The following EPS8 variants were observed in gnomAD, a reference collection of about 807,000 sequenced individuals.
EPS8 encodes epidermal growth factor receptor kinase substrate 8.
Under a neutral mutation model 103.8 loss-of-function variants are expected in EPS8, and 42 were observed. The observed-to-expected ratio is 0.40, with a 90% CI of 0.32 to 0.52. The LOEUF (loss-of-function observed/expected upper bound fraction) is 0.52, where lower values mean the gene tolerates loss of function less well. EPS8 is among the 20% of genes least tolerant of loss of function. The probability of loss-of-function intolerance (pLI) is 0.40; values close to 1 mark genes in which losing one functional copy is unlikely to be tolerated. For missense variants in EPS8, 969 were observed against 1,005.1 expected, an observed-to-expected ratio of 0.96 and a Z score of 0.49; for synonymous variants, 344 against 344.6, an observed-to-expected ratio of 1.00 and a Z score of 0.02.
rs996320320 is a variant in EPS8, at chr12:15,688,429, G to A, written c.-21-5457C>T. On this transcript the variant is annotated intron_variant, in intron 1 of 20. Coordinates refer to ENST00000281172, the MANE Select transcript of EPS8 (RefSeq NM_004447.6). This position sits in a 1 kb window ranked among gnomAD's most constrained non-coding sequence, Gnocchi z 5.1. ...ACCCCCATGGACCTAGATGAGGACA[G>A]GCATTTTTGTTTTCCTGCCCAAATG... Among the ~76,000 whole-genome samples the A allele has an allele frequency of 2.6e-5, 4 of 152,302 alleles. No homozygotes were observed. Among genetic ancestry groups the A allele is most frequent in the Admixed American group, 2.6e-4 (4 of 15,298 alleles).
At chr12:15,756,745 G>A (rs990855335) in intron 1 of EPS8, among the ~76,000 whole-genome samples, 6 of 152,040 alleles carry the variant, frequency 3.9e-5, no homozygotes, top group South Asian at 4.1e-4. Context: ...AAGAAATTTG[G>A]AACATGACAG....
At chr12:15,739,771 T>C (rs1946801657) in intron 1 of EPS8, among the ~76,000 whole-genome samples, 1 of 152,090 alleles carries the variant, frequency 6.6e-6, no homozygotes, top group Admixed American at 6.6e-5. Context: ...TTATCATCTA[T>C]CCATCCATCC....
chr12:15,771,622 AG>A lies in EPS8; in HGVS notation c.-22+17538del, dbSNP rs1424374467. ...AGTTGCATATGGCAGGTAAAGGAGA[AG>A]GGGGGTCATGGATGTGTTCTTCTAA... On this transcript the variant is annotated intron_variant, in intron 1 of 20. Coordinates refer to ENST00000281172, the MANE Select transcript of EPS8 (RefSeq NM_004447.6). This position sits in a 1 kb window ranked among gnomAD's most constrained non-coding sequence, Gnocchi z 4.6. 1.3e-5 allele frequency among the ~76,000 whole-genome samples: 2 copies of A among 152,038 alleles called. No homozygotes were observed. Among genetic ancestry groups the A allele is most frequent in the South Asian group, 4.2e-4 (2 of 4,808 alleles).
At chr12:15,638,764 G>A (rs1022396524) in intron 17 of EPS8, among the ~76,000 whole-genome samples, 5 of 152,162 alleles carry the variant, frequency 3.3e-5, no homozygotes, top group Admixed American at 3.3e-4. Context: ...GTTTAAGAAA[G>A]GAGGAATAGG....
chr12:15,633,290 G>A (rs1018379324), intron 17 of EPS8, among the ~76,000 whole-genome samples: 4 of 152,106 alleles, frequency 2.6e-5, no homozygotes, highest in African/African-American at 7.2e-5. Flanking sequence ...GTAATACTTA[G>A]CACACACCAA....
In EPS8 at chr12:15,688,965, T is replaced by C. The variant is rs990610003; in HGVS notation, c.-21-5993A>G. 2.6e-5 allele frequency among the ~76,000 whole-genome samples: 4 copies of C among 152,162 alleles called. No individual in the cohort carries two copies. The highest frequency in any genetic ancestry group is 5.9e-5 in the Non-Finnish European group (4 of 68,034). ...GCTGTGGGATTGGAACCTCACAGCC[T>C]GCCAGTCTGCATGCTCCCCTAGAGG... On this transcript the variant is annotated intron_variant, in intron 1 of 20. Coordinates refer to ENST00000281172, the MANE Select transcript of EPS8 (RefSeq NM_004447.6). This position sits in a 1 kb window ranked among gnomAD's most constrained non-coding sequence, Gnocchi z 5.1.
intron 3 of EPS8, chr12:15,672,304 T>G (rs371701767): frequency 1.3e-5 from 5 of 389,120 alleles, no homozygotes; most frequent in East Asian, 7.3e-5. Context: ...CATATGAATT[T>G]CATTTATATT....
intron 12 of EPS8, among the ~76,000 whole-genome samples, chr12:15,656,011 C>T (rs996995902): frequency 6.6e-6 from 1 of 152,150 alleles, no homozygotes; most frequent in African/African-American, 2.4e-5. Context: ...AGCAGAGATA[C>T]TAAACATTGG....
rs1591867594 is a variant in EPS8, at chr12:15,696,391, C to T, written c.-21-13419G>A. 6.6e-6 allele frequency among the ~76,000 whole-genome samples: 1 copy of T among 152,076 alleles called. No individual in the cohort carries two copies. Among genetic ancestry groups the T allele is most frequent in the Admixed American group, 6.5e-5 (1 of 15,268 alleles). ...GTGCAGTGGCTCACAACTGTAATCC[C>T]AGCACTTTGGGAGGCCAAGGCAGGC... On this transcript the variant is annotated intron_variant, in intron 1 of 20. Transcript: ENST00000281172. The surrounding 1 kb of genome is among the most constrained non-coding windows in gnomAD (Gnocchi z 4.8).
Position 15,639,532 on chromosome 12 carries a change from C to T in EPS8, c.1821+1171G>A, listed in dbSNP as rs375439760. Among the ~76,000 whole-genome samples, 406 of 152,046 alleles carry T rather than the reference C, an allele frequency of 2.7e-3. 1 individual carries two copies. Among genetic ancestry groups the T allele is most frequent in the African/African-American group, 9.5e-3 (396 of 41,494 alleles). On this transcript the variant is annotated intron_variant, in intron 17 of 20. Transcript: ENST00000281172. ...GCACATGAGGCCAGCCAAAACATAA[C>T]ACAGCAAATAATTTCCATTGCCATC...
chr12:15,772,214 T>C lies in EPS8; in HGVS notation c.-22+16947A>G, dbSNP rs1220890296. Among the ~76,000 whole-genome samples the C allele has an allele frequency of 1.3e-5, 2 of 151,978 alleles. No homozygotes were observed. The highest frequency in any genetic ancestry group is 2.9e-5 in the Non-Finnish European group (2 of 68,016). On this transcript the variant is annotated intron_variant, in intron 1 of 20. Transcript: ENST00000281172. The surrounding 1 kb of genome is among the most constrained non-coding windows in gnomAD (Gnocchi z 5.0). ...CAGGAAAAATTCAGATTTCTAAGGT[T>C]GTCATTTGGATAAAAGTCACTCCAA...
At chr12:15,710,332 A>C (rs978356020) in intron 1 of EPS8, among the ~76,000 whole-genome samples, 2 of 152,214 alleles carry the variant, frequency 1.3e-5, no homozygotes, top group African/African-American at 4.8e-5. Context: ...TATTGCTCTA[A>C]ATTACATCTA....
intron 3 of EPS8, among the ~76,000 whole-genome samples, chr12:15,674,832 CA>C (rs1293748776): frequency 5.6e-5 from 6 of 107,588 alleles, no homozygotes; most frequent in South Asian, 3.7e-4. Context: ...TTAAGAATTT[CA>C]AAAAAAAATT....
rs1299080619 is a variant in EPS8 at position 15,713,801 on chromosome 12, T to G, written c.-21-30829A>C. On this transcript the variant is annotated intron_variant, in intron 1 of 20. Transcript: ENST00000281172. The surrounding 1 kb of genome is among the most constrained non-coding windows in gnomAD (Gnocchi z 4.8). ...ATTCACTCATAGTCATATTAAGACT[T>G]AAGAGAGCTTGTCTCTGAGAATCTG... is the stretch of plus-strand genomic sequence containing the variant. 6.6e-6 allele frequency among the ~76,000 whole-genome samples: 1 copy of G among 152,186 alleles called. No individual in the cohort carries two copies. The highest frequency in any genetic ancestry group is 1.5e-5 in the Non-Finnish European group (1 of 68,030).
chr12:15,631,327 A>C (rs953105334), intron 18 of EPS8, 115 bp downstream of exon 18: 121 of 1,437,850 alleles, frequency 8.4e-5, no homozygotes, highest in African/African-American at 2.8e-5. Context: ...CAATCTATTA[A>C]GTACCATGCA....
Position 15,757,937 on chromosome 12 carries a change from T to G in EPS8, c.-22+31224A>C, listed in dbSNP as rs1437424941. The stretch of plus-strand genomic sequence containing the variant: ...AGCTGGAACAGCTATCTGCTCCTCA[T>G]GCCTACTCAACTGGAAAACTCAAAA... On this transcript the variant is annotated intron_variant, in intron 1 of 20. Transcript: ENST00000281172. The surrounding 1 kb of genome is among the most constrained non-coding windows in gnomAD (Gnocchi z 4.1). Among the ~76,000 whole-genome samples the G allele has an allele frequency of 6.6e-6, 1 of 152,200 alleles. No homozygotes were observed. The highest frequency in any genetic ancestry group is 1.9e-4 in the East Asian group (1 of 5,186).
intron 3 of EPS8, among the ~76,000 whole-genome samples, chr12:15,678,836 C>A (rs1945953917): frequency 6.6e-6 from 1 of 150,996 alleles, no homozygotes; most frequent in South Asian, 2.1e-4. Flanking sequence ...ATCGCTTGAA[C>A]CCTGGAGGCG....
chr12:15,663,090 A>G (rs959498352), intron 8 of EPS8, among the ~76,000 whole-genome samples: 6 of 151,940 alleles, frequency 3.9e-5, no homozygotes, highest in Non-Finnish European at 7.4e-5. Flanking sequence ...TAAAATTTCT[A>G]TCTATGAAAT....
In EPS8 at chr12:15,787,132, C is replaced by A. The variant is rs1223740193; in HGVS notation, c.-22+2029G>T. ...AACCTATCATTTCCTATTCTGGATA[C>A]TATGTTTTCTTATACAAACCTTGGT... On this transcript the variant is annotated intron_variant, in intron 1 of 20. Coordinates refer to ENST00000281172, the MANE Select transcript of EPS8 (RefSeq NM_004447.6). This position sits in a 1 kb window ranked among gnomAD's most constrained non-coding sequence, Gnocchi z 4.9. Among the ~76,000 whole-genome samples, 1 of 152,054 alleles carries A rather than the reference C, an allele frequency of 6.6e-6. No homozygotes were observed. The highest frequency in any genetic ancestry group is 1.5e-5 in the Non-Finnish European group (1 of 67,978).
Sources: gnomAD v4.1 joint callset for allele counts (sites outside exome capture counted in the v4.1 genomes callset) on GRCh38, gnomAD v4.1.1 for gene constraint, Gnocchi (gnomAD v3.1) non-coding constraint, MANE v1.5 for transcripts, NCBI Gene and HGNC (gene_info 2026-07-23, HGNC 2026-07-21) for gene names.